Variants in EVI5 observed in about 807,000 individuals in gnomAD.
The protein encoded by EVI5 is ecotropic viral integration site 5 protein homolog.
EVI5 carries 73 observed loss-of-function variants against 112.0 expected under a neutral mutation model. That is an observed-to-expected ratio of 0.65 (90% CI 0.54 to 0.79). The LOEUF (loss-of-function observed/expected upper bound fraction) is 0.79. EVI5 is among the 30% of genes least tolerant of loss of function. The pLI is 0.00. For synonymous variants in EVI5, 305 were observed against 319.9 expected (o/e 0.95, Z 0.50); for missense variants, 900 against 968.8 (o/e 0.93, Z 0.94).
chr1:92,587,647 G>A (rs1036056384), intron 18 of EVI5, among the ~76,000 whole-genome samples: 5 of 152,168 alleles, frequency 3.3e-5, no homozygotes, highest in Admixed American at 6.5e-5. Context: ...TTGAGTGGGC[G>A]TTTTTAAGCC....
upstream of EVI5, among the ~76,000 whole-genome samples, chr1:92,788,008 A>G (rs1385687016): frequency 3.9e-5 from 6 of 152,068 alleles, no homozygotes; most frequent in East Asian, 3.9e-4. Context: ...AAAAATCATA[A>G]CAGTGGTTCC....
Position 92,792,265 on chromosome 1 carries a change from A to G in EVI5, c.51+79T>C. The G allele has an allele frequency of 4.3e-6, 4 of 921,074 alleles. No individual in the cohort carries two copies. The South Asian group carries it at 5.5e-5, about 13-fold the overall frequency. The allele number at this position is 921,074 out of a possible 1,614,324, so 57.1% of individuals were successfully genotyped here. On this transcript the variant is annotated intron_variant, in intron 1 of 17. Coordinates refer to the EVI5 transcript ENST00000370331. ...AGCGAAATATACAAATCCTAACTCA[A>G]TAACAAATTACTTTCTGTTACAGCA...
At chr1:92,711,047 C>T (rs1672771850) in intron 2 of EVI5, among the ~76,000 whole-genome samples, 1 of 151,944 alleles carries the variant, frequency 6.6e-6, no homozygotes, top group Non-Finnish European at 1.5e-5. Context: ...TTCACGATGG[C>T]CATATAAGAA....
intron 1 of EVI5, among the ~76,000 whole-genome samples, chr1:92,765,876 G>T (rs1682556259): frequency 6.6e-6 from 1 of 151,938 alleles, no homozygotes; most frequent in Non-Finnish European, 1.5e-5. Context: ...GCAAGCTCGA[G>T]ATCAGCCTGG....
chr1:92,636,482 C>T (rs962653669), intron 13 of EVI5, 146 bp from the exon 14 acceptor site: 17 of 630,764 alleles, frequency 2.7e-5, no homozygotes, highest in Non-Finnish European at 4.4e-5. Flanking sequence ...TCCAATGTAT[C>T]TCCTCCAATT....
chr1:92,645,550 C>G (rs1660782574), intron 13 of EVI5, among the ~76,000 whole-genome samples: 1 of 152,126 alleles, frequency 6.6e-6, no homozygotes, highest in South Asian at 2.1e-4. Context: ...GCAACTGAGA[C>G]TATTTCACCC....
At chr1:92,716,517 C>T (rs1673714980) in intron 2 of EVI5, among the ~76,000 whole-genome samples, 1 of 152,216 alleles carries the variant, frequency 6.6e-6, no homozygotes, top group Non-Finnish European at 1.5e-5. Flanking sequence ...TGAGGAGAAA[C>T]CAGAGCAGAA....
At chr1:92,778,201 C>T (rs1480281206) in intron 1 of EVI5, among the ~76,000 whole-genome samples, 1 of 152,122 alleles carries the variant, frequency 6.6e-6, no homozygotes, top group Non-Finnish European at 1.5e-5. Context: ...GCCACTGCAC[C>T]CCGCCAAAGA....
At chr1:92,554,739 C>A (rs939833430) in intron 19 of EVI5, among the ~76,000 whole-genome samples, 9 of 152,172 alleles carry the variant, frequency 5.9e-5, no homozygotes, top group Admixed American at 2.0e-4. Flanking sequence ...GAGGCCAAGA[C>A]AGGGAGATCC....
At chr1:92,642,899 T>C (rs1271561004) in intron 13 of EVI5, among the ~76,000 whole-genome samples, 1 of 152,232 alleles carries the variant, frequency 6.6e-6, no homozygotes, top group African/African-American at 2.4e-5. Context: ...TTATTTATGA[T>C]GAACTAAACT....
chr1:92,557,684 A>G (rs1228612728), intron 19 of EVI5, among the ~76,000 whole-genome samples: 1 of 151,894 alleles, frequency 6.6e-6, no homozygotes, highest in African/African-American at 2.4e-5. Flanking sequence ...TTCTTAAATC[A>G]TCCATTGTTC....
chr1:92,648,190 C>CAAAAAAAA (rs961901260), intron 13 of EVI5, among the ~76,000 whole-genome samples: 173 of 23,960 alleles, frequency 7.2e-3, no homozygotes, highest in Non-Finnish European at 0.01. Flanking sequence ...ACTAAAAATA[C>CAAAAAAAA]AAAAAAAAAA....
chr1:92,630,576 T>A (rs1205197763), intron 14 of EVI5, among the ~76,000 whole-genome samples: 1 of 147,490 alleles, frequency 6.8e-6, no homozygotes, highest in Non-Finnish European at 1.5e-5. Flanking sequence ...TAGCCCTTCG[T>A]CAGATAAGTA....
At chr1:92,640,181 ACCATT>A (rs966107726) in intron 13 of EVI5, among the ~76,000 whole-genome samples, 1 of 152,214 alleles carries the variant, frequency 6.6e-6, no homozygotes, top group Non-Finnish European at 1.5e-5. Flanking sequence ...CCTAGGCAAT[ACCATT>A]CAGGACATAG....
Position 92,551,928 on chromosome 1 carries a change from A to G in EVI5, c.2166+11714T>C, listed in dbSNP as rs778163912. Among the ~76,000 whole-genome samples the G allele has an allele frequency of 7.4e-4, 113 of 152,264 alleles. No individual in the cohort carries two copies. The Middle Eastern group carries it at 0.01, about 14-fold the overall frequency. ...GTGGTTTCTCATGATTTATATTTCCATTCTAATTGTCAAAGAGTAATTGTT... is the reference window on the plus strand; with the variant it reads ...GTGGTTTCTCATGATTTATATTTCCGTTCTAATTGTCAAAGAGTAATTGTT... On this transcript the variant is annotated intron_variant, in intron 19 of 19. Transcript: ENST00000684568.
chr1:92,530,544 C>T (rs1571339881), intron 19 of EVI5, among the ~76,000 whole-genome samples: 1 of 152,176 alleles, frequency 6.6e-6, no homozygotes, highest in Middle Eastern at 3.4e-3. Flanking sequence ...AGAGCTCTGG[C>T]TAGCATCTGG....
chr1:92,698,199 C>T (rs939537047), intron 5 of EVI5, among the ~76,000 whole-genome samples: 1 of 152,166 alleles, frequency 6.6e-6, no homozygotes. Flanking sequence ...ACCTCTGAAA[C>T]CAACTGCCTC....
At chr1:92,709,480 C>A (rs1376616693) in intron 2 of EVI5, among the ~76,000 whole-genome samples, 1 of 152,036 alleles carries the variant, frequency 6.6e-6, no homozygotes, top group African/African-American at 2.4e-5. Flanking sequence ...GTAACTATTA[C>A]TTTTTGTAAA....
chr1:92,551,040 C>CTTTTTTT (rs55898086), intron 19 of EVI5, among the ~76,000 whole-genome samples: 1,430 of 80,660 alleles, frequency 0.018, 27 homozygotes, highest in East Asian at 0.026. Context: ...TTCTTTCTTT[C>CTTTTTTT]TTTTTTTTTT....
Sources: gnomAD v4.1 joint callset for allele counts (sites outside exome capture counted in the v4.1 genomes callset) on GRCh38, gnomAD v4.1.1 for gene constraint, MANE v1.5 for transcripts, NCBI Gene and HGNC (gene_info 2026-07-23, HGNC 2026-07-21) for gene names.